Variants in AMBRA1 observed in about 807,000 individuals in gnomAD.
AMBRA1 encodes activating molecule in BECN1-regulated autophagy protein 1.
Under a neutral mutation model 125.4 loss-of-function variants are expected in AMBRA1, and 47 were observed. The ratio of observed to expected loss-of-function variants is 0.37; its 90% confidence interval spans 0.30 to 0.48. The LOEUF (loss-of-function observed/expected upper bound fraction) is 0.48. AMBRA1 is among the 20% of genes least tolerant of loss of function. AMBRA1 has a pLI of 0.99. For missense variants in AMBRA1, 1,331 were observed against 1,693.4 expected, an observed-to-expected ratio of 0.79 and a Z score of 3.76; for synonymous variants, 626 against 655.5, an observed-to-expected ratio of 0.95 and a Z score of 0.69.
chr11:46,531,380 C>A (rs540444542), intron 7 of AMBRA1, among the ~76,000 whole-genome samples: 9 of 152,282 alleles, frequency 5.9e-5, no homozygotes. Flanking sequence ...AACAGAGTGA[C>A]CTTCTTGGGC....
intron 15 of AMBRA1, among the ~76,000 whole-genome samples, chr11:46,417,486 G>T (rs1466886731): frequency 6.6e-6 from 1 of 152,146 alleles, no homozygotes; most frequent in Non-Finnish European, 1.5e-5. Flanking sequence ...ACAAATTAGG[G>T]TTTCAACAAT....
At chr11:46,483,481 G>C (rs1356311149) in intron 11 of AMBRA1, among the ~76,000 whole-genome samples, 1 of 152,226 alleles carries the variant, frequency 6.6e-6, no homozygotes, top group Non-Finnish European at 1.5e-5. Context: ...CACTTTGGTA[G>C]AAAAGGTAAG....
At chr11:46,577,709 G>C (rs770476260) in intron 1 of AMBRA1, among the ~76,000 whole-genome samples, 5 of 152,056 alleles carry the variant, frequency 3.3e-5, no homozygotes, top group Non-Finnish European at 7.3e-5. Context: ...CCAGCACTTT[G>C]GGAGGCCGAG....
At chr11:46,407,728 T>C (rs1332061866) in intron 17 of AMBRA1, among the ~76,000 whole-genome samples, 1 of 152,242 alleles carries the variant, frequency 6.6e-6, no homozygotes, top group Non-Finnish European at 1.5e-5. Context: ...TGTTATTCTT[T>C]GCCTGACGTG....
chr11:46,397,118 C>T lies in AMBRA1; in HGVS notation c.*332G>A. The T allele has an allele frequency of 4.6e-6, 1 of 218,368 alleles. No individual in the cohort carries two copies. Among genetic ancestry groups the T allele is most frequent in the Non-Finnish European group, 8.9e-6 (1 of 111,864 alleles). The allele number at this position is 218,368 out of a possible 1,614,324, so 13.5% of individuals were successfully genotyped here. A position where few individuals can be genotyped will look rare whatever the true frequency, so the allele number is the denominator to read the frequency against. On this transcript the variant is annotated 3_prime_UTR_variant, in exon 18 of 18. Coordinates refer to ENST00000683756, the MANE Select transcript of AMBRA1 (RefSeq NM_001387011.1). ...TGGAAGACTGTTCACTCTCTGGAGGCTCTCTGTCCAGGGCTGAGTCCCCTG... is the reference window on the plus strand; with the variant it reads ...TGGAAGACTGTTCACTCTCTGGAGGTTCTCTGTCCAGGGCTGAGTCCCCTG...
intron 1 of AMBRA1, among the ~76,000 whole-genome samples, chr11:46,584,561 G>A (rs560309178): frequency 2.0e-5 from 3 of 151,420 alleles, no homozygotes; most frequent in Non-Finnish European, 4.4e-5. Flanking sequence ...AAAAACAAAT[G>A]AATGACTGAA....
At chr11:46,433,160 T>C (rs982346366) in intron 14 of AMBRA1, among the ~76,000 whole-genome samples, 2 of 152,244 alleles carry the variant, frequency 1.3e-5, no homozygotes, top group Non-Finnish European at 2.9e-5. Context: ...AAGCATTTCA[T>C]TGGGTCCTTT....
At chr11:46,405,175 CT>C (rs1167202053) in intron 17 of AMBRA1, among the ~76,000 whole-genome samples, 3 of 152,230 alleles carry the variant, frequency 2.0e-5, no homozygotes, top group Non-Finnish European at 4.4e-5. Flanking sequence ...CACCTGACTC[CT>C]ATTCATCCTT....
chr11:46,508,486 TG>T, intron 8 of AMBRA1, 116 bp from the exon 9 acceptor site: 1 of 1,073,956 alleles, frequency 9.3e-7, no homozygotes, highest in Non-Finnish European at 1.3e-6. Flanking sequence ...TCTGGAGACA[TG>T]AAAATTAAAG....
In AMBRA1 at chr11:46,494,105, C is replaced by G; in HGVS notation, c.2420+19G>C. On this transcript the variant is annotated intron_variant, in intron 10 of 17. Transcript: ENST00000683756. Reference sequence around the variant, plus strand: ...GCTCTAACGAAGGCTCCCTCTGTTGCTAGCAACTCGGTTCTTACCTTGGGA... The same window carrying G: ...GCTCTAACGAAGGCTCCCTCTGTTGGTAGCAACTCGGTTCTTACCTTGGGA... 1 of 1,594,034 alleles carries G rather than the reference C, an allele frequency of 6.3e-7. No homozygotes were observed. The highest frequency in any genetic ancestry group is 8.6e-7 in the Non-Finnish European group (1 of 1,167,448).
chr11:46,506,793 T>G (rs1951049886), intron 9 of AMBRA1, among the ~76,000 whole-genome samples: 2 of 152,116 alleles, frequency 1.3e-5, no homozygotes, highest in African/African-American at 2.4e-5. Context: ...AAGCTCAGTT[T>G]CAGGATGGAA....
At chr11:46,489,144 C>A (rs1950377041) in intron 11 of AMBRA1, among the ~76,000 whole-genome samples, 1 of 152,074 alleles carries the variant, frequency 6.6e-6, no homozygotes, top group Admixed American at 6.6e-5. Flanking sequence ...TATACATGTG[C>A]CATGCTGGTG....
chr11:46,591,309 A>C (rs2044587149), intron 1 of AMBRA1: 2 of 152,228 alleles, frequency 1.3e-5, no homozygotes, highest in African/African-American at 2.4e-5. Context: ...TCTTAGCTTA[A>C]CTTCCCAATC....
chr11:46,517,114 T>C (rs1366038596), intron 7 of AMBRA1, among the ~76,000 whole-genome samples: 1 of 151,552 alleles, frequency 6.6e-6, no homozygotes, highest in Non-Finnish European at 1.5e-5. Context: ...CTATATAATA[T>C]ATAATCATAA....
intron 11 of AMBRA1, among the ~76,000 whole-genome samples, chr11:46,471,533 G>T (rs997572514): frequency 1.3e-5 from 2 of 151,478 alleles, no homozygotes; most frequent in Non-Finnish European, 2.9e-5. Context: ...AGCCGAGATC[G>T]CCCCACTGCA....
At chr11:46,481,147 C>A (rs1378347608) in intron 11 of AMBRA1, among the ~76,000 whole-genome samples, 1 of 152,194 alleles carries the variant, frequency 6.6e-6, no homozygotes, top group Non-Finnish European at 1.5e-5. Context: ...GGCCTGCCGT[C>A]CCCAGACTGA....
chr11:46,578,965 A>C (rs73449974), intron 1 of AMBRA1, among the ~76,000 whole-genome samples: 1,513 of 150,230 alleles, frequency 0.01, 32 homozygotes, highest in African/African-American at 0.036. Flanking sequence ...AATAAGAGCC[A>C]ATAAACAAGT....
intron 14 of AMBRA1, among the ~76,000 whole-genome samples, chr11:46,422,964 C>CT (rs1946922117): frequency 6.6e-6 from 1 of 152,010 alleles, no homozygotes. Context: ...AGCAAGGGGG[C>CT]TTTGAGGAAG....
chr11:46,552,012 A>T (rs2043016159), intron 1 of AMBRA1, among the ~76,000 whole-genome samples: 2 of 151,364 alleles, frequency 1.3e-5, no homozygotes, highest in South Asian at 4.2e-4. Context: ...TGGGTGACAG[A>T]GTGAAACTCC....
Sources: allele counts gnomAD v4.1 joint callset (sites outside exome capture counted in the v4.1 genomes callset), GRCh38; gene constraint gnomAD v4.1.1; transcripts MANE v1.5; gene names NCBI Gene and HGNC (gene_info 2026-07-23, HGNC 2026-07-21).